STIM1: variants seen among roughly 807,000 people sequenced by gnomAD.
STIM1 encodes the protein stromal interaction molecule 1.
STIM1 carries 25 observed loss-of-function variants against 74.7 expected under a neutral mutation model. The observed-to-expected ratio is 0.33, with a 90% CI of 0.24 to 0.47. The LOEUF (loss-of-function observed/expected upper bound fraction) is 0.47. STIM1 is among the 20% of genes least tolerant of loss of function. STIM1 has a pLI of 1.00. For synonymous variants in STIM1, 328 were observed against 348.8 expected (o/e 0.94, Z 0.66); for missense variants, 728 against 920.8 (o/e 0.79, Z 2.71).
At chr11:4,003,635 C>A (rs1307218704) in intron 2 of STIM1, among the ~76,000 whole-genome samples, 2 of 152,114 alleles carry the variant, frequency 1.3e-5, no homozygotes, top group Non-Finnish European at 2.9e-5. Context: ...CAATATCATA[C>A]TGAATGGGCA....
chr11:3,900,415 G>A (rs554224673), intron 1 of STIM1, among the ~76,000 whole-genome samples: 8 of 152,238 alleles, frequency 5.3e-5, no homozygotes, highest in South Asian at 2.1e-4. Context: ...GCCCTGCTTC[G>A]GCTCGTGCAC....
At chr11:3,908,040 C>T (rs965223132) in intron 1 of STIM1, among the ~76,000 whole-genome samples, 1 of 152,188 alleles carries the variant, frequency 6.6e-6, no homozygotes, top group African/African-American at 2.4e-5. Context: ...CATTTATCAC[C>T]ATCTGGCATA....
intron 12 of STIM1, chr11:4,088,833 C>T (rs980511707): frequency 4.3e-5 from 57 of 1,322,672 alleles, no homozygotes; most frequent in Admixed American, 2.0e-5. Context: ...GGAAGGTGAG[C>T]CTGCCTCACT....
chr11:3,901,632 A>G (rs2092350540), intron 1 of STIM1, among the ~76,000 whole-genome samples: 1 of 152,238 alleles, frequency 6.6e-6, no homozygotes, highest in Non-Finnish European at 1.5e-5. Context: ...TTGCTGATAT[A>G]GTTTTCTCCA....
At chr11:3,920,943 C>T (rs557602918) in intron 1 of STIM1, among the ~76,000 whole-genome samples, 10 of 152,026 alleles carry the variant, frequency 6.6e-5, no homozygotes, top group Non-Finnish European at 1.2e-4. Context: ...TTATAGGCAC[C>T]CGCCACTACG....
At chr11:3,873,164 C>T (rs2091178822) in intron 1 of STIM1, among the ~76,000 whole-genome samples, 1 of 151,944 alleles carries the variant, frequency 6.6e-6, no homozygotes, top group Non-Finnish European at 1.5e-5. Context: ...GTCTGTAATC[C>T]CGGCACTTTG....
At chr11:4,022,979 G>T (rs1391956535) in intron 2 of STIM1, among the ~76,000 whole-genome samples, 1 of 152,180 alleles carries the variant, frequency 6.6e-6, no homozygotes, top group African/African-American at 2.4e-5. Flanking sequence ...ATATTAAAGG[G>T]GAGGGAAATC....
At chr11:4,013,491 A>G (rs956556378) in intron 2 of STIM1, among the ~76,000 whole-genome samples, 3 of 150,702 alleles carry the variant, frequency 2.0e-5, no homozygotes, top group East Asian at 1.9e-4. Flanking sequence ...TTTCTTCTAG[A>G]TTTTCTAGTT....
At chr11:3,972,011 T>A (rs1317175400) in intron 2 of STIM1, among the ~76,000 whole-genome samples, 2 of 152,030 alleles carry the variant, frequency 1.3e-5, no homozygotes, top group East Asian at 4.0e-4. Flanking sequence ...ACTATGTAAC[T>A]TTTAGAATGA....
At chr11:4,001,336 G>C (rs1219046465) in intron 2 of STIM1, among the ~76,000 whole-genome samples, 1 of 151,854 alleles carries the variant, frequency 6.6e-6, no homozygotes, top group Non-Finnish European at 1.5e-5. Context: ...CAGCCAGAGA[G>C]AAAGGTCGGG....
chr11:3,972,254 T>C (rs923347408), intron 2 of STIM1, among the ~76,000 whole-genome samples: 5 of 152,244 alleles, frequency 3.3e-5, no homozygotes, highest in Non-Finnish European at 7.3e-5. Context: ...TTACAGATCT[T>C]TTAAAATTTT....
At chr11:4,067,498 A>G (rs143630963) in intron 5 of STIM1, among the ~76,000 whole-genome samples, 169 of 152,324 alleles carry the variant, frequency 1.1e-3, no homozygotes, top group African/African-American at 3.6e-3. Context: ...AGACATCTCC[A>G]TTGTAAGAGA....
intron 5 of STIM1, among the ~76,000 whole-genome samples, chr11:4,062,431 C>T (rs2094337399): frequency 6.6e-6 from 1 of 152,232 alleles, no homozygotes; most frequent in East Asian, 1.9e-4. Flanking sequence ...AACAGCCTGG[C>T]CAACATGGCA....
At chr11:4,046,424 T>A (rs1009756255) in intron 3 of STIM1, among the ~76,000 whole-genome samples, 1 of 152,160 alleles carries the variant, frequency 6.6e-6, no homozygotes, top group African/African-American at 2.4e-5. Flanking sequence ...CCTCATTTCC[T>A]TCCCCTGCCA....
chr11:3,939,126 G>A (rs2092973464), intron 1 of STIM1, among the ~76,000 whole-genome samples: 2 of 152,222 alleles, frequency 1.3e-5, no homozygotes, highest in South Asian at 2.1e-4. Flanking sequence ...CTAAGGGATA[G>A]CAATAGAATT....
chr11:3,862,662 G>T (rs553377345), intron 1 of STIM1, among the ~76,000 whole-genome samples: 1 of 152,104 alleles, frequency 6.6e-6, no homozygotes, highest in South Asian at 2.1e-4. Context: ...TAGCCAGGAT[G>T]GTCTCGATCT....
intron 3 of STIM1, among the ~76,000 whole-genome samples, chr11:4,029,010 A>T (rs2136041570): frequency 6.6e-6 from 1 of 151,854 alleles, no homozygotes; most frequent in Admixed American, 6.6e-5. Flanking sequence ...ACATGGTGAA[A>T]CCCCATCTCT....
intron 3 of STIM1, among the ~76,000 whole-genome samples, chr11:4,030,555 A>G (rs2094041359): frequency 6.6e-6 from 1 of 152,156 alleles, no homozygotes; most frequent in South Asian, 2.1e-4. Context: ...TTCTAAGTTA[A>G]CCATCAAGTC....
chr11:3,978,572 C>T (rs2093472322), intron 2 of STIM1, among the ~76,000 whole-genome samples: 1 of 151,490 alleles, frequency 6.6e-6, no homozygotes, highest in Admixed American at 6.6e-5. Context: ...ACCAGCCTGT[C>T]CAACATGGTG....
Sources: allele counts gnomAD v4.1 joint callset (sites outside exome capture counted in the v4.1 genomes callset), GRCh38; gene constraint gnomAD v4.1.1; transcripts MANE v1.5; gene names NCBI Gene and HGNC (gene_info 2026-07-23, HGNC 2026-07-21).